SGCZ: variants seen among roughly 807,000 people sequenced by gnomAD.
The protein encoded by SGCZ is sarcoglycan zeta.
SGCZ carries 40 observed loss-of-function variants against 41.3 expected under a neutral mutation model. The observed-to-expected ratio is 0.97, with a 90% CI of 0.75 to 1.26. The LOEUF (loss-of-function observed/expected upper bound fraction) is 1.26, where lower values mean the gene tolerates loss of function less well. SGCZ is among the 50% of genes most tolerant of loss of function. SGCZ has a pLI of 0.00. For synonymous variants in SGCZ, 206 were observed against 137.5 expected, an observed-to-expected ratio of 1.50 and a Z score of -3.49; for missense variants, 552 against 369.8, an observed-to-expected ratio of 1.49 and a Z score of -4.04.
At chr8:15,027,846 ATATT>A (rs1563449695) in intron 1 of SGCZ, among the ~76,000 whole-genome samples, 1 of 152,072 alleles carries the variant, frequency 6.6e-6, no homozygotes, top group Non-Finnish European at 1.5e-5. Flanking sequence ...TTTATAGTGT[ATATT>A]TATTTAGCTC....
intron 1 of SGCZ, among the ~76,000 whole-genome samples, chr8:14,751,969 AGAG>A (rs1799513030): frequency 6.6e-6 from 1 of 151,620 alleles, no homozygotes; most frequent in Non-Finnish European, 1.5e-5. Context: ...AAAACACCTT[AGAG>A]GATTTGAGGA....
intron 1 of SGCZ, among the ~76,000 whole-genome samples, chr8:15,159,028 TA>T (rs529214972): frequency 4.5e-4 from 68 of 152,312 alleles, no homozygotes; most frequent in African/African-American, 1.5e-3. Context: ...AATCCCTACG[TA>T]GCTTCAGGAT....
At chr8:14,311,613 T>A (rs1801546880) in intron 3 of SGCZ, among the ~76,000 whole-genome samples, 1 of 152,204 alleles carries the variant, frequency 6.6e-6, no homozygotes, top group Admixed American at 6.6e-5. Flanking sequence ...CCCTTGTTTA[T>A]ATTGGTAAAA....
At chr8:14,339,727 A>T (rs953249930) in intron 2 of SGCZ, among the ~76,000 whole-genome samples, 1 of 152,188 alleles carries the variant, frequency 6.6e-6, no homozygotes, top group Non-Finnish European at 1.5e-5. Flanking sequence ...AAAGGAATAG[A>T]TCTAGCCAAA....
intron 1 of SGCZ, among the ~76,000 whole-genome samples, chr8:14,626,678 T>C (rs1050680415): frequency 2.6e-5 from 4 of 152,082 alleles, no homozygotes. Context: ...ATGAAAAGAT[T>C]GGAGCTTATG....
chr8:15,057,210 A>G (rs960338074), intron 1 of SGCZ, among the ~76,000 whole-genome samples: 2 of 152,206 alleles, frequency 1.3e-5, no homozygotes, highest in African/African-American at 4.8e-5. Context: ...TTGTGCAGCC[A>G]GAAACCCTCC....
At chr8:14,922,577 C>G (rs1336160620) in intron 1 of SGCZ, among the ~76,000 whole-genome samples, 15 of 152,124 alleles carry the variant, frequency 9.9e-5, no homozygotes, top group African/African-American at 3.4e-4. Flanking sequence ...GCCTCAGCCT[C>G]CCAGGCTACC....
chr8:14,640,649 G>GGTGT (rs3068698), intron 1 of SGCZ, among the ~76,000 whole-genome samples: 12,837 of 149,914 alleles, frequency 0.086, 610 homozygotes, highest in South Asian at 0.18. Flanking sequence ...TATATATAGG[G>GGTGT]GTGTGTGTGT....
At chr8:15,224,501 C>T (rs145566174) in intron 1 of SGCZ, among the ~76,000 whole-genome samples, 18 of 152,212 alleles carry the variant, frequency 1.2e-4, no homozygotes, top group African/African-American at 3.9e-4. Context: ...TTTGCTACTA[C>T]CATACGTACC....
chr8:15,111,967 C>G (rs1393979041), intron 1 of SGCZ, among the ~76,000 whole-genome samples: 1 of 151,920 alleles, frequency 6.6e-6, no homozygotes, highest in African/African-American at 2.4e-5. Context: ...TTACTTGGTG[C>G]GTTTTGTTCA....
At chr8:15,172,936 G>C (rs1339627924) in intron 1 of SGCZ, among the ~76,000 whole-genome samples, 4 of 152,136 alleles carry the variant, frequency 2.6e-5, no homozygotes, top group Non-Finnish European at 5.9e-5. Flanking sequence ...ATTAATACTA[G>C]TTAAATCCAA....
intron 1 of SGCZ, among the ~76,000 whole-genome samples, chr8:14,674,858 G>T (rs1194487355): frequency 6.7e-6 from 1 of 149,662 alleles, no homozygotes; most frequent in African/African-American, 2.5e-5. Context: ...AAATCTCGTT[G>T]AGGCCTCCCC....
chr8:14,473,937 C>CA (rs11352108), intron 2 of SGCZ, among the ~76,000 whole-genome samples: 90,263 of 141,170 alleles, frequency 0.64, 28,847 homozygotes, highest in South Asian at 0.8. Flanking sequence ...GACCCTGTCT[C>CA]AAAAAAAAAA....
At chr8:15,195,330 G>A (rs1038337005) in intron 1 of SGCZ, among the ~76,000 whole-genome samples, 1 of 152,064 alleles carries the variant, frequency 6.6e-6, no homozygotes, top group African/African-American at 2.4e-5. Context: ...TTACTCATGT[G>A]GAATGATGGA....
intron 3 of SGCZ, among the ~76,000 whole-genome samples, chr8:14,284,998 T>C (rs1181624281): frequency 6.6e-6 from 1 of 152,168 alleles, no homozygotes; most frequent in African/African-American, 2.4e-5. Flanking sequence ...CCAGATGATA[T>C]CTTCCATCAA....
At chr8:15,223,064 A>C (rs945182634) in intron 1 of SGCZ, among the ~76,000 whole-genome samples, 2 of 152,180 alleles carry the variant, frequency 1.3e-5, no homozygotes, top group Admixed American at 1.3e-4. Context: ...AGAGAATCTT[A>C]AATCATATTA....
At chr8:15,007,805 T>G (rs1802658028) in intron 1 of SGCZ, among the ~76,000 whole-genome samples, 1 of 152,222 alleles carries the variant, frequency 6.6e-6, no homozygotes, top group Non-Finnish European at 1.5e-5. Flanking sequence ...TAGCAGCATT[T>G]ATTATTGTTA....
rs1206876586 is a variant in SGCZ, at chr8:15,038,836, A to AAAAG, written c.39+198745_39+198748dup. The stretch of plus-strand genomic sequence containing the variant: ...TCTCAAAAAAAAAAAAAAAAAAAAA[A>AAAAG]AAAGAAAGAAAGAAAGAAAACAGGC... On this transcript the variant is annotated intron_variant, in intron 1 of 7. Transcript: ENST00000382080. Among the ~76,000 whole-genome samples the AAAAG allele has an allele frequency of 7.2e-4, 104 of 145,406 alleles. 1 individual carries two copies. The highest frequency in any genetic ancestry group is 1.1e-3 in the Non-Finnish European group (70 of 66,494).
chr8:14,756,813 C>G (rs901414418), intron 1 of SGCZ, among the ~76,000 whole-genome samples: 2 of 152,048 alleles, frequency 1.3e-5, no homozygotes, highest in Non-Finnish European at 2.9e-5. Context: ...TAGGATTGTT[C>G]TGATGTCAGT....
Sources: allele counts gnomAD v4.1 joint callset (sites outside exome capture counted in the v4.1 genomes callset), GRCh38; gene constraint gnomAD v4.1.1; transcripts MANE v1.5; gene names NCBI Gene and HGNC (gene_info 2026-07-23, HGNC 2026-07-21).